Variants in MTPN observed in about 807,000 individuals in gnomAD.
MTPN encodes the protein myotrophin, also known as granule cell differentiation protein.
Under a neutral mutation model 13.5 loss-of-function variants are expected in MTPN, and 2 were observed. The observed-to-expected ratio is 0.15, with a 90% CI of 0.06 to 0.47. MTPN has a LOEUF of 0.47. MTPN is among the 20% of genes least tolerant of loss of function. The pLI is 0.97. For synonymous variants in MTPN, 46 were observed against 51.7 expected (o/e 0.89, Z 0.48); for missense variants, 79 against 137.9 (o/e 0.57, Z 2.14).
intron 3 of MTPN, among the ~76,000 whole-genome samples, chr7:135,938,732 TAAC>T (rs1200909951): frequency 6.6e-6 from 1 of 152,150 alleles, no homozygotes; most frequent in African/African-American, 2.4e-5. Flanking sequence ...ACGGTCACAC[TAAC>T]AACAGTAACA....
chr7:135,941,003 C>A (rs1584808132), intron 3 of MTPN, among the ~76,000 whole-genome samples: 1 of 152,208 alleles, frequency 6.6e-6, no homozygotes, highest in African/African-American at 2.4e-5. Flanking sequence ...TTTTGCATCA[C>A]AGTGGCAGAG....
chr7:135,932,053 G>A lies in MTPN; in HGVS notation c.271-2041C>T, dbSNP rs191625835. Reference sequence around the variant, plus strand: ...ACAGTTAACAATTTACTGTAGCCCTGTTGTGCTACCAAATACTAGATCATA... The same window carrying A: ...ACAGTTAACAATTTACTGTAGCCCTATTGTGCTACCAAATACTAGATCATA... On this transcript the variant is annotated intron_variant, in intron 3 of 3. Coordinates refer to ENST00000393085, the MANE Select transcript of MTPN (RefSeq NM_145808.4). Among the ~76,000 whole-genome samples the A allele has an allele frequency of 5.9e-5, 9 of 152,096 alleles. No individual in the cohort carries two copies. In the East Asian group the frequency reaches 1.5e-3, roughly 26 times the overall value.
At chr7:135,942,379 C>T (rs558869386) in intron 3 of MTPN, among the ~76,000 whole-genome samples, 6 of 152,224 alleles carry the variant, frequency 3.9e-5, no homozygotes, top group Admixed American at 6.5e-5. Flanking sequence ...ATGATGTGCT[C>T]GGCATTTCAG....
rs1798959546 is a variant in MTPN, at chr7:135,928,307, CACACACACCTAT to C, written c.*1607_*1618del. On this transcript the variant is annotated 3_prime_UTR_variant, in exon 4 of 4. Coordinates refer to ENST00000393085, the MANE Select transcript of MTPN (RefSeq NM_145808.4). Reference sequence around the variant, plus strand: ...ATGGGGAAAAATACACACACACACCCACACACACCTATACACCCACACACCCACATGCCAACC... The same window carrying C: ...ATGGGGAAAAATACACACACACACCCACACCCACACACCCACATGCCAACC... The C allele has an allele frequency of 1.2e-5, 2 of 165,752 alleles. No homozygotes were observed. The highest frequency in any genetic ancestry group is 1.5e-5 in the Non-Finnish European group (1 of 68,256). 10.3% of individuals were successfully genotyped at this position (165,752 alleles called of 1,614,324 possible).
intron 1 of MTPN, among the ~76,000 whole-genome samples, chr7:135,953,874 T>C (rs1355710751): frequency 6.6e-6 from 1 of 152,188 alleles, no homozygotes; most frequent in East Asian, 1.9e-4. Flanking sequence ...AATTTCTAAA[T>C]GATTGTTTAC....
chr7:135,959,851 G>A lies in MTPN; in HGVS notation c.73-8221C>T, dbSNP rs561217233. The stretch of plus-strand genomic sequence containing the variant: ...TTTAATGGAACATCTGTTTTTTTAA[G>A]ATCAAGATAAACTAAGTGTATTGCC... On this transcript the variant is annotated intron_variant, in intron 1 of 3. Coordinates refer to ENST00000393085, the MANE Select transcript of MTPN (RefSeq NM_145808.4). 2.0e-5 allele frequency among the ~76,000 whole-genome samples: 3 copies of A among 151,562 alleles called. 1 individual carries two copies. Among genetic ancestry groups the A allele is most frequent in the African/African-American group, 7.3e-5 (3 of 41,336 alleles).
Position 135,929,497 on chromosome 7 carries a change from C to T in MTPN, c.*429G>A, listed in dbSNP as rs547770685. On this transcript the variant is annotated 3_prime_UTR_variant, in exon 4 of 4. Coordinates refer to ENST00000393085, the MANE Select transcript of MTPN (RefSeq NM_145808.4). ...CTAGAGCTAATTGCTTATCTCAGCA[C>T]CCTAAGTTTACATCACAGCAGCCAC... 1 of 181,274 alleles carries T rather than the reference C, an allele frequency of 5.5e-6. No individual in the cohort carries two copies. Among genetic ancestry groups the T allele is most frequent in the East Asian group, 1.6e-4 (1 of 6,192 alleles). The allele number at this position is 181,274 out of a possible 1,614,324, so 11.2% of individuals were successfully genotyped here.
At position 135,953,109 on chromosome 7, in the gene MTPN, TCCAAACTCCC is replaced by T. The variant is rs1799389133; in HGVS notation, c.73-1489_73-1480del. Among the ~76,000 whole-genome samples, 6 of 152,126 alleles carry T rather than the reference TCCAAACTCCC, an allele frequency of 3.9e-5. No homozygotes were observed. The South Asian group carries it at 1.2e-3, about 32-fold the overall frequency. On this transcript the variant is annotated intron_variant, in intron 1 of 3. Transcript: ENST00000393085. The stretch of plus-strand genomic sequence containing the variant: ...TTCAAACACACATACTCCAAACTCC[TCCAAACTCCC>T]CTTCCCCTTTGTCACTTATGCCTGC...
At chr7:135,959,856 A>G (rs1224134883) in intron 1 of MTPN, among the ~76,000 whole-genome samples, 2 of 151,946 alleles carry the variant, frequency 1.3e-5, no homozygotes, top group African/African-American at 4.8e-5. Flanking sequence ...TTTAAGATCA[A>G]GATAAACTAA....
At chr7:135,930,053 C>T in intron 3 of MTPN, 41 bp from the exon 4 acceptor site, 1 of 1,540,942 alleles carries the variant, frequency 6.5e-7, no homozygotes, top group Non-Finnish European at 8.9e-7. Context: ...GAGCCCACAA[C>T]TGGGGGAAGG....
At chr7:135,966,515 G>GA (rs1225062931) in intron 1 of MTPN, among the ~76,000 whole-genome samples, 4 of 151,792 alleles carry the variant, frequency 2.6e-5, no homozygotes, top group African/African-American at 9.7e-5. Flanking sequence ...AGTTTCTACC[G>GA]AATGTGTATC....
intron 3 of MTPN, among the ~76,000 whole-genome samples, chr7:135,938,465 A>G (rs1454933675): frequency 6.6e-6 from 1 of 152,226 alleles, no homozygotes; most frequent in Non-Finnish European, 1.5e-5. Flanking sequence ...GAATATTTGC[A>G]ATGTTTCTAG....
intron 1 of MTPN, among the ~76,000 whole-genome samples, chr7:135,968,140 A>G (rs1341489015): frequency 6.6e-6 from 1 of 152,078 alleles, no homozygotes; most frequent in African/African-American, 2.4e-5. Context: ...TTTTTCAGAT[A>G]CTTACTTTAG....
At chr7:135,941,881 CTTTTT>C (rs564045963) in intron 3 of MTPN, among the ~76,000 whole-genome samples, 1 of 136,190 alleles carries the variant, frequency 7.3e-6, no homozygotes. Context: ...TGTTATATTA[CTTTTT>C]TTTTTTTTTT....
intron 1 of MTPN, among the ~76,000 whole-genome samples, chr7:135,954,670 C>T (rs1418595636): frequency 2.0e-5 from 3 of 152,126 alleles, no homozygotes; most frequent in Non-Finnish European, 2.9e-5. Context: ...GGGCTGGGCA[C>T]GGTGGCTCAC....
intron 3 of MTPN, among the ~76,000 whole-genome samples, chr7:135,934,361 G>T (rs1724130779): frequency 6.6e-6 from 1 of 152,298 alleles, no homozygotes; most frequent in South Asian, 2.1e-4. Context: ...TCACCCATAT[G>T]TCTGGAGCTG....
intron 3 of MTPN, among the ~76,000 whole-genome samples, chr7:135,944,604 G>A (rs968278808): frequency 2.6e-5 from 4 of 151,910 alleles, no homozygotes; most frequent in Admixed American, 2.6e-4. Context: ...CCGAGATCAC[G>A]CCATTGCACT....
intron 1 of MTPN, among the ~76,000 whole-genome samples, chr7:135,958,012 C>T (rs752583428): frequency 3.3e-5 from 5 of 152,032 alleles, no homozygotes; most frequent in African/African-American, 4.8e-5. Flanking sequence ...CTCAGATACT[C>T]CTTTGTAACA....
rs907911419 is a variant in MTPN, at chr7:135,930,024, A to G, written c.271-12T>C. On this transcript the variant is annotated splice_polypyrimidine_tract_variant and intron_variant, in intron 3 of 3. Coordinates refer to ENST00000393085, the MANE Select transcript of MTPN (RefSeq NM_145808.4). The stretch of plus-strand genomic sequence containing the variant: ...GTCTTATCAGCACCCTGGAAAAGAG[A>G]GGAAAGGGCTCATTAAATGAGCCCA... 4 of 1,572,520 alleles carry G rather than the reference A, an allele frequency of 2.5e-6. No homozygotes were observed. The African/African-American group carries it at 5.5e-5, about 21-fold the overall frequency.
Sources: allele counts gnomAD v4.1 joint callset (sites outside exome capture counted in the v4.1 genomes callset), GRCh38; gene constraint gnomAD v4.1.1; transcripts MANE v1.5; gene names NCBI Gene and HGNC (gene_info 2026-07-23, HGNC 2026-07-21).